Variants in IL34 observed in about 807,000 individuals in gnomAD.
The protein encoded by IL34 is interleukin 34.
IL34 carries 17 observed loss-of-function variants against 25.3 expected under a neutral mutation model. That is an observed-to-expected ratio of 0.67 (90% CI 0.46 to 1.01). The LOEUF (loss-of-function observed/expected upper bound fraction) is 1.01. IL34 is among the 50% of genes least tolerant of loss of function. The pLI is 0.00. For missense variants in IL34, 368 were observed against 312.9 expected (o/e 1.18, Z -1.33); for synonymous variants, 174 against 140.9 (o/e 1.23, Z -1.66).
At position 70,660,394 on chromosome 16, in the gene IL34, AGGGGACCT is replaced by A; in HGVS notation, c.*217_*224del. ...GCTGTCATGGCCTCACCTGGAGCGG[AGGGGACCT>A]GGGGACCTGAAGGTGGATGGGGACA... On this transcript the variant is annotated 3_prime_UTR_variant, in exon 6 of 6. Coordinates refer to ENST00000288098, the MANE Select transcript of IL34 (RefSeq NM_001393494.1). 1 of 510,688 alleles carries A rather than the reference AGGGGACCT, an allele frequency of 2.0e-6. No homozygotes were observed. Among genetic ancestry groups the A allele is most frequent in the Non-Finnish European group, 3.4e-6 (1 of 296,784 alleles). 31.6% of individuals were successfully genotyped at this position (510,688 alleles called of 1,614,324 possible).
chr16:70,596,714 G>A (rs2050828754), intron 1 of IL34, among the ~76,000 whole-genome samples: 1 of 152,126 alleles, frequency 6.6e-6, no homozygotes, highest in Admixed American at 6.6e-5. Flanking sequence ...TTATAGTAAT[G>A]GTAGCTTACC....
intron 1 of IL34, among the ~76,000 whole-genome samples, chr16:70,591,682 G>C (rs1597735569): frequency 6.6e-6 from 1 of 152,062 alleles, no homozygotes; most frequent in Non-Finnish European, 1.5e-5. Context: ...TTACCTCTGT[G>C]CCAGGCAGGG....
chr16:70,618,250 G>GGTGA (rs2151833830), intron 1 of IL34, among the ~76,000 whole-genome samples: 2 of 152,084 alleles, frequency 1.3e-5, no homozygotes, highest in African/African-American at 4.8e-5. Context: ...GCGTGATCAG[G>GGTGA]GTGAGGAACA....
At chr16:70,595,895 C>T (rs1354047920) in intron 1 of IL34, among the ~76,000 whole-genome samples, 1 of 151,682 alleles carries the variant, frequency 6.6e-6, no homozygotes, top group Non-Finnish European at 1.5e-5. Context: ...CCTGTAGTCT[C>T]AGCTACTCAG....
chr16:70,604,434 A>G (rs1189203200), intron 1 of IL34, among the ~76,000 whole-genome samples: 1 of 152,206 alleles, frequency 6.6e-6, no homozygotes, highest in African/African-American at 2.4e-5. Flanking sequence ...GAGTAAGGAA[A>G]TGATTTGCTC....
intron 1 of IL34, among the ~76,000 whole-genome samples, chr16:70,580,320 C>T (rs1172848096): frequency 1.3e-5 from 2 of 152,242 alleles, no homozygotes; most frequent in Non-Finnish European, 2.9e-5. Flanking sequence ...TAAAGCAAGT[C>T]ACTTCTCTGT....
chr16:70,582,065 A>G (rs2050641639), intron 1 of IL34, among the ~76,000 whole-genome samples: 1 of 152,242 alleles, frequency 6.6e-6, no homozygotes, highest in Non-Finnish European at 1.5e-5. Flanking sequence ...TGGGGCTTTA[A>G]CTAGCCAGGC....
upstream of IL34, among the ~76,000 whole-genome samples, chr16:70,646,071 T>TC (rs2051920270): frequency 6.6e-6 from 1 of 152,008 alleles, no homozygotes; most frequent in East Asian, 1.9e-4. Context: ...ATTTTTTTTT[T>TC]CTTAATTTTT....
At chr16:70,658,864 T>G (rs1171743383) in intron 4 of IL34, among the ~76,000 whole-genome samples, 2 of 152,200 alleles carry the variant, frequency 1.3e-5, no homozygotes, top group Non-Finnish European at 2.9e-5. Context: ...CTACCTGAAA[T>G]CCAGGATGAT....
Position 70,654,683 on chromosome 16 carries a change from G to A in IL34, c.162+12G>A. ...GACTTCAGTACATGGTAACCACGTG[G>A]GCACCAGCTGTGTCCCTGTCCCCGC... On this transcript the variant is annotated intron_variant, in intron 2 of 5. Coordinates refer to ENST00000288098, the MANE Select transcript of IL34 (RefSeq NM_001393494.1). 1 of 1,594,860 alleles carries A rather than the reference G, an allele frequency of 6.3e-7. No homozygotes were observed. The highest frequency in any genetic ancestry group is 2.3e-5 in the East Asian group (1 of 44,352).
At chr16:70,629,834 C>G (rs1246366517) in intron 1 of IL34, among the ~76,000 whole-genome samples, 1 of 152,024 alleles carries the variant, frequency 6.6e-6, no homozygotes, top group African/African-American at 2.4e-5. Flanking sequence ...TCCATTTTCT[C>G]AAGCATTTTT....
At chr16:70,586,245 T>C (rs1044806051) in intron 1 of IL34, among the ~76,000 whole-genome samples, 1 of 152,334 alleles carries the variant, frequency 6.6e-6, no homozygotes, top group African/African-American at 2.4e-5. Flanking sequence ...CTCTTAGCTA[T>C]TGCGAATAAC....
intron 1 of IL34, among the ~76,000 whole-genome samples, chr16:70,627,575 G>A (rs1322322269): frequency 6.6e-6 from 1 of 151,608 alleles, no homozygotes; most frequent in Non-Finnish European, 1.5e-5. Context: ...TCTGTCTCCT[G>A]GACTCAAGCA....
chr16:70,656,753 C>A, intron 3 of IL34, 74 bp downstream of exon 3: 2 of 963,796 alleles, frequency 2.1e-6, no homozygotes, highest in Non-Finnish European at 3.4e-6. Context: ...CAGAGGCGCG[C>A]TGGGACTGGC....
Position 70,659,033 on chromosome 16 carries a change from G to A in IL34, c.403-585G>A, listed in dbSNP as rs193160455. ...GTTGCCTTGTTGTCACCCCCTTCCA[G>A]AAGATCACCCCCCACGTTTCCCATG... On this transcript the variant is annotated intron_variant, in intron 4 of 5. Coordinates refer to ENST00000288098, the MANE Select transcript of IL34 (RefSeq NM_001393494.1). 8.3e-4 allele frequency among the ~76,000 whole-genome samples: 127 copies of A among 152,264 alleles called. 2 individuals carry two copies. The highest frequency in any genetic ancestry group is 2.8e-3 in the African/African-American group (118 of 41,546).
Position 70,646,655 on chromosome 16 carries a change from A to G in IL34, c.-293A>G, listed in dbSNP as rs530386170. 283 of 417,764 alleles carry G rather than the reference A, an allele frequency of 6.8e-4. 3 individuals carry two copies. In the South Asian group the frequency reaches 0.017, roughly 25 times the overall value. 25.9% of individuals were successfully genotyped at this position (417,764 alleles called of 1,614,324 possible). A position where few individuals can be genotyped will look rare whatever the true frequency, so the allele number is the denominator to read the frequency against. ...GGACTCTCTCCTCCTGCTCCTTGGAAAGGAAGACCCCGAAAGACCCCCAAG... is the reference window on the plus strand; with the variant it reads ...GGACTCTCTCCTCCTGCTCCTTGGAGAGGAAGACCCCGAAAGACCCCCAAG... On this transcript the variant is annotated 5_prime_UTR_variant, in exon 1 of 6. Coordinates refer to ENST00000288098, the MANE Select transcript of IL34 (RefSeq NM_001393494.1).
intron 1 of IL34, among the ~76,000 whole-genome samples, chr16:70,626,396 TTTTG>T (rs1355114681): frequency 6.6e-6 from 1 of 152,116 alleles, no homozygotes; most frequent in Non-Finnish European, 1.5e-5. Flanking sequence ...GTTTGTTTGT[TTTTG>T]TTTTTGTTTT....
At position 70,656,599 on chromosome 16, in the gene IL34, C is replaced by T. The variant is rs191320665; in HGVS notation, c.163-3C>T. 25 of 1,276,940 alleles carry T rather than the reference C, an allele frequency of 2.0e-5. No homozygotes were observed. In the South Asian group the frequency reaches 2.7e-4, roughly 14 times the overall value. The allele number at this position is 1,276,940 out of a possible 1,614,324, so 79.1% of individuals were successfully genotyped here. ...CTCATAGTTTGTTCTTGTGCCTCTC[C>T]AGAAACACTACTTCCCCATCAACTA... On this transcript the variant is annotated splice_region_variant and splice_polypyrimidine_tract_variant and intron_variant, in intron 2 of 5. Coordinates refer to ENST00000288098, the MANE Select transcript of IL34 (RefSeq NM_001393494.1).
intron 1 of IL34, among the ~76,000 whole-genome samples, chr16:70,623,030 T>A (rs191354127): frequency 2.1e-4 from 32 of 151,940 alleles, no homozygotes; most frequent in African/African-American, 7.5e-4. Context: ...GGGATTGAGG[T>A]TTGGGGGATT....
Sources: gnomAD v4.1 joint callset for allele counts (sites outside exome capture counted in the v4.1 genomes callset) on GRCh38, gnomAD v4.1.1 for gene constraint, MANE v1.5 for transcripts, NCBI Gene and HGNC (gene_info 2026-07-23, HGNC 2026-07-21) for gene names.